CNTN4: variants seen among roughly 807,000 people sequenced by gnomAD.
CNTN4 encodes contactin-4.
CNTN4 carries 77 observed loss-of-function variants against 122.5 expected under a neutral mutation model. The observed-to-expected ratio is 0.63, with a 90% confidence interval of 0.52 to 0.76. CNTN4 has a LOEUF of 0.76. Ranked by LOEUF, CNTN4 falls within the 30% of genes least tolerant of loss-of-function variation. The pLI, the probability that CNTN4 is intolerant of heterozygous loss-of-function variation, is 0.00. For synonymous variants in CNTN4, 512 were observed against 447.0 expected, an observed-to-expected ratio of 1.15 and a Z score of -1.83; for missense variants, 1,256 against 1,259.1, an observed-to-expected ratio of 1.00 and a Z score of 0.04.
intron 12 of CNTN4, among the ~76,000 whole-genome samples, chr3:2,921,927 G>T (rs750353248): frequency 6.6e-6 from 1 of 152,116 alleles, no homozygotes; most frequent in Admixed American, 6.5e-5. Context: ...TACATAGAGG[G>T]CTTCTCTCAG....
At chr3:2,751,913 A>C (rs1322832303) in intron 6 of CNTN4, among the ~76,000 whole-genome samples, 5 of 152,158 alleles carry the variant, frequency 3.3e-5, no homozygotes, top group Non-Finnish European at 7.3e-5. Context: ...AGAGGGAATC[A>C]AATGTCGTTA....
chr3:2,961,231 CAAAAA>C lies in CNTN4; in HGVS notation c.1359-27099_1359-27095del, dbSNP rs59790353. Among the ~76,000 whole-genome samples, 26 of 37,252 alleles carry C rather than the reference CAAAAA, an allele frequency of 7.0e-4. No individual in the cohort carries two copies. In the East Asian group the frequency reaches 0.011, roughly 16 times the overall value. The allele number at this position is 37,252 out of a possible 152,430, so 24.4% of individuals were successfully genotyped here. On this transcript the variant is annotated intron_variant, in intron 13 of 24. Coordinates refer to ENST00000418658, the MANE Select transcript of CNTN4 (RefSeq NM_175607.3). ...GGCGACAGAACGAGACTCCATCTCA[CAAAAA>C]AAAAAAAAAAAAAAGGCCTACTGAA...
intron 4 of CNTN4, among the ~76,000 whole-genome samples, chr3:2,572,917 G>T (rs1411853238): frequency 6.6e-6 from 1 of 152,134 alleles, no homozygotes; most frequent in Admixed American, 6.5e-5. Context: ...CTCATTCTAT[G>T]CTAGGCAATA....
intron 3 of CNTN4, among the ~76,000 whole-genome samples, chr3:2,513,604 A>T (rs2076954164): frequency 6.6e-6 from 1 of 152,018 alleles, no homozygotes; most frequent in African/African-American, 2.4e-5. Context: ...TTTATTTTCC[A>T]TTCAAATATT....
intron 2 of CNTN4, among the ~76,000 whole-genome samples, chr3:2,102,089 T>G (rs1477735162): frequency 6.6e-6 from 1 of 152,154 alleles, no homozygotes; most frequent in Admixed American, 6.5e-5. Context: ...TCATCTTAGA[T>G]CTCCCAAAGT....
chr3:2,467,971 A>C (rs1371697971), intron 3 of CNTN4, among the ~76,000 whole-genome samples: 1 of 152,100 alleles, frequency 6.6e-6, no homozygotes, highest in Admixed American at 6.5e-5. Flanking sequence ...GCCCAAAGAG[A>C]ACTTCGTCAT....
intron 7 of CNTN4, among the ~76,000 whole-genome samples, chr3:2,827,426 G>T (rs1040831978): frequency 1.4e-4 from 21 of 152,148 alleles, no homozygotes; most frequent in Non-Finnish European, 2.9e-4. Context: ...AATTAGGCTG[G>T]GTTTGATTGT....
chr3:2,946,945 A>G (rs553688646), intron 13 of CNTN4, among the ~76,000 whole-genome samples: 2 of 152,002 alleles, frequency 1.3e-5, no homozygotes, highest in Non-Finnish European at 2.9e-5. Flanking sequence ...GGCTCAAGCA[A>G]TCCTCCCACC....
In CNTN4 at chr3:3,040,081, G is replaced by C. The variant is rs1315086247; in HGVS notation, c.2208G>C (p.Val736=). 2 of 1,614,158 alleles carry C rather than the reference G, an allele frequency of 1.2e-6. No individual in the cohort carries two copies. The highest frequency in any genetic ancestry group is 1.7e-6 in the Non-Finnish European group (2 of 1,179,962). ...AGAATGGTCGAGGCTTTGGTTATGT[G>C]GTGGCCTTCCGGCCCTACGGTAAAA... ...ELQNGRGFGY[V]VAFRPYGKMI... is the part of the protein sequence containing the mutation. The change falls in exon 20 of 25, where the codon GTG becomes GTC. Residue 736 remains valine, a synonymous_variant. Coordinates refer to ENST00000418658, the MANE Select transcript of CNTN4 (RefSeq NM_175607.3).
intron 12 of CNTN4, among the ~76,000 whole-genome samples, chr3:2,919,729 G>A (rs4395385): frequency 0.56 from 84,715 of 151,638 alleles, 23,660 homozygotes; most frequent in East Asian, 0.68. Context: ...TAAGAAAGTC[G>A]ATGTGATTAC....
intron 2 of CNTN4, among the ~76,000 whole-genome samples, chr3:2,169,579 T>TG (rs2036363512): frequency 6.6e-6 from 1 of 150,528 alleles, no homozygotes; most frequent in African/African-American, 2.5e-5. Context: ...CTGATTTTTT[T>TG]GTAGAGACGG....
At chr3:2,257,414 G>A (rs9813193) in intron 2 of CNTN4, among the ~76,000 whole-genome samples, 3,567 of 152,178 alleles carry the variant, frequency 0.023, 150 homozygotes, top group African/African-American at 0.081. Flanking sequence ...AAAAGCAAAG[G>A]CAACAAAAGC....
At chr3:2,972,759 CTCT>C (rs1282128939) in intron 13 of CNTN4, among the ~76,000 whole-genome samples, 1 of 152,002 alleles carries the variant, frequency 6.6e-6, no homozygotes, top group African/African-American at 2.4e-5. Flanking sequence ...AGATATTATC[CTCT>C]TCTTTGCTTT....
At chr3:2,483,751 A>G (rs1406363329) in intron 3 of CNTN4, among the ~76,000 whole-genome samples, 1 of 152,164 alleles carries the variant, frequency 6.6e-6, no homozygotes, top group Admixed American at 6.5e-5. Context: ...GCCTTCTACC[A>G]TGATTGTAAG....
intron 3 of CNTN4, among the ~76,000 whole-genome samples, chr3:2,342,197 T>C (rs2044235121): frequency 6.6e-6 from 1 of 152,218 alleles, no homozygotes; most frequent in Admixed American, 6.5e-5. Flanking sequence ...CTCTTTTTTT[T>C]ACACATCTGT....
chr3:2,920,822 A>C (rs1298786424), intron 12 of CNTN4, among the ~76,000 whole-genome samples: 1 of 150,562 alleles, frequency 6.6e-6, no homozygotes, highest in Non-Finnish European at 1.5e-5. Context: ...AATAACGCCC[A>C]AAGGAATAGG....
intron 4 of CNTN4, among the ~76,000 whole-genome samples, chr3:2,583,144 A>C (rs2080023287): frequency 6.6e-6 from 1 of 152,252 alleles, no homozygotes; most frequent in African/African-American, 2.4e-5. Context: ...AACAAATGTC[A>C]AAACAAACAA....
intron 2 of CNTN4, among the ~76,000 whole-genome samples, chr3:2,219,818 A>T (rs930553660): frequency 2.8e-4 from 42 of 152,038 alleles, no homozygotes; most frequent in African/African-American, 9.4e-4. Flanking sequence ...CCAGCAAAAG[A>T]TGGCATTTTT....
chr3:2,124,820 A>C (rs1384486993), intron 2 of CNTN4, among the ~76,000 whole-genome samples: 1 of 148,562 alleles, frequency 6.7e-6, no homozygotes, highest in African/African-American at 2.5e-5. Context: ...GATGTACAAA[A>C]ATCTACACAG....
Sources: allele counts gnomAD v4.1 joint callset (sites outside exome capture counted in the v4.1 genomes callset), GRCh38; gene constraint gnomAD v4.1.1; transcripts MANE v1.5; gene names NCBI Gene and HGNC (gene_info 2026-07-23, HGNC 2026-07-21).